Variants in UHRF2 observed in about 807,000 individuals in gnomAD.
UHRF2 encodes the protein ubiquitin like with PHD and ring finger domains 2, also known as E3 ubiquitin-protein ligase UHRF2.
UHRF2 carries 23 observed loss-of-function variants against 96.8 expected under a neutral mutation model. The ratio of observed to expected loss-of-function variants is 0.24; its 90% CI spans 0.17 to 0.34. UHRF2 has a LOEUF of 0.34. Among genes scored for constraint, UHRF2 ranks in the 10% least tolerant of loss-of-function variants. The pLI, the probability that UHRF2 is intolerant of heterozygous loss-of-function variation, is 1.00. For missense variants in UHRF2, 685 were observed against 981.5 expected, an observed-to-expected ratio of 0.70 and a Z score of 4.04; for synonymous variants, 385 against 332.6, an observed-to-expected ratio of 1.16 and a Z score of -1.72.
chr9:6,457,748 G>A (rs534692901), intron 3 of UHRF2, among the ~76,000 whole-genome samples: 10 of 152,120 alleles, frequency 6.6e-5, no homozygotes, highest in South Asian at 4.1e-4. Flanking sequence ...CCTTTTCTGC[G>A]TCTGTTAAGA....
At chr9:6,460,995 A>G (rs1587827556) in intron 4 of UHRF2, among the ~76,000 whole-genome samples, 1 of 152,190 alleles carries the variant, frequency 6.6e-6, no homozygotes, top group Admixed American at 6.5e-5. Context: ...AAGGTTGGAG[A>G]TACTGTTTGG....
At chr9:6,505,283 G>A (rs944950744) in intron 15 of UHRF2, among the ~76,000 whole-genome samples, 5 of 148,504 alleles carry the variant, frequency 3.4e-5, no homozygotes, top group South Asian at 2.1e-4. Context: ...ATATATATGC[G>A]TGTGTGTGTG....
chr9:6,464,541 G>A (rs1015876086), intron 4 of UHRF2, among the ~76,000 whole-genome samples: 6 of 151,818 alleles, frequency 4.0e-5, no homozygotes, highest in Non-Finnish European at 7.4e-5. Flanking sequence ...TTGTGGTTTT[G>A]CCTTTCTTTA....
chr9:6,500,879 G>A (rs951259123), intron 14 of UHRF2, among the ~76,000 whole-genome samples, 170 bp downstream of exon 14: 2 of 152,050 alleles, frequency 1.3e-5, no homozygotes, highest in South Asian at 2.1e-4. Flanking sequence ...ATATACATGC[G>A]CCTAAATTTA....
intron 4 of UHRF2, among the ~76,000 whole-genome samples, chr9:6,462,428 G>T (rs138754604): frequency 1.1e-3 from 173 of 152,260 alleles, no homozygotes; most frequent in African/African-American, 3.8e-3. Flanking sequence ...GCTAGACTAA[G>T]GGTATAGCTC....
intron 4 of UHRF2, among the ~76,000 whole-genome samples, chr9:6,463,152 A>G (rs1269528061): frequency 1.3e-5 from 2 of 151,828 alleles, no homozygotes; most frequent in South Asian, 2.1e-4. Context: ...GCGGTGTTGC[A>G]TGCCTGTAAT....
chr9:6,440,009 TTG>T (rs2130786257), intron 3 of UHRF2, among the ~76,000 whole-genome samples: 1 of 152,314 alleles, frequency 6.6e-6, no homozygotes, highest in East Asian at 1.9e-4. Context: ...TACTGTTCAG[TTG>T]TATATCTTCC....
chr9:6,446,918 TTG>T (rs1484445705), intron 3 of UHRF2, among the ~76,000 whole-genome samples: 15 of 152,008 alleles, frequency 9.9e-5, no homozygotes, highest in Admixed American at 9.8e-4. Context: ...AGACAGAGTC[TTG>T]CTCTGTCACC....
At chr9:6,433,672 A>G (rs1820678651) in intron 2 of UHRF2, among the ~76,000 whole-genome samples, 1 of 152,254 alleles carries the variant, frequency 6.6e-6, no homozygotes. Context: ...AGTAAGGCGT[A>G]AAGAAAACAC....
At chr9:6,436,841 A>G (rs776868654) in intron 3 of UHRF2, among the ~76,000 whole-genome samples, 3 of 152,210 alleles carry the variant, frequency 2.0e-5, no homozygotes, top group African/African-American at 7.2e-5. Context: ...GACTAAAATT[A>G]CCTGCCCTAA....
chr9:6,506,251 T>C lies in UHRF2; in HGVS notation c.*72T>C, dbSNP rs1450045983. The stretch of plus-strand genomic sequence containing the variant: ...AAGAATCTAAAATGGGTGGGGAGGG[T>C]GGAAGAAATGGTGGACTGTATCTCT... On this transcript the variant is annotated 3_prime_UTR_variant, in exon 16 of 16. Transcript: ENST00000276893. 7.3e-5 allele frequency: 115 copies of C among 1,570,424 alleles called. No individual in the cohort carries two copies. The highest frequency in any genetic ancestry group is 3.2e-5 in the Non-Finnish European group (37 of 1,153,428).
At chr9:6,478,679 C>T (rs987845567) in intron 6 of UHRF2, among the ~76,000 whole-genome samples, 3 of 152,072 alleles carry the variant, frequency 2.0e-5, no homozygotes, top group African/African-American at 4.8e-5. Context: ...TTAAGTAAGA[C>T]GGACGACTGA....
At chr9:6,420,199 G>A (rs1819847898) in intron 1 of UHRF2, among the ~76,000 whole-genome samples, 1 of 151,948 alleles carries the variant, frequency 6.6e-6, no homozygotes, top group Middle Eastern at 3.4e-3. Flanking sequence ...GGGATTACAG[G>A]TGCGTACCAC....
intron 11 of UHRF2, 48 bp downstream of exon 11, chr9:6,497,408 C>G: frequency 6.3e-7 from 1 of 1,597,478 alleles, no homozygotes; most frequent in Non-Finnish European, 8.6e-7. Context: ...CCTGGGCTTT[C>G]AAGGCAGGGT....
chr9:6,469,701 C>CACGTAT (rs1823108476), intron 4 of UHRF2, among the ~76,000 whole-genome samples: 7 of 148,572 alleles, frequency 4.7e-5, no homozygotes, highest in African/African-American at 1.5e-4. Flanking sequence ...CACGTATATA[C>CACGTAT]ATACATATAC....
intron 2 of UHRF2, among the ~76,000 whole-genome samples, chr9:6,428,684 G>T (rs1348262091): frequency 6.6e-6 from 1 of 151,340 alleles, no homozygotes; most frequent in African/African-American, 2.4e-5. Flanking sequence ...TGAGTAACCG[G>T]GACTACAGGT....
At chr9:6,469,206 G>A (rs1222432224) in intron 4 of UHRF2, among the ~76,000 whole-genome samples, 1 of 152,146 alleles carries the variant, frequency 6.6e-6, no homozygotes, top group Non-Finnish European at 1.5e-5. Flanking sequence ...AGTTTCCTAA[G>A]ACCTTGTTAA....
At chr9:6,446,421 G>A (rs1020113636) in intron 3 of UHRF2, among the ~76,000 whole-genome samples, 2 of 151,328 alleles carry the variant, frequency 1.3e-5, no homozygotes, top group African/African-American at 4.9e-5. Flanking sequence ...GGGTTTACAG[G>A]CGTGAGCCAC....
In UHRF2 at chr9:6,434,112, A is replaced by G. The variant is rs77045370; in HGVS notation, c.583A>G (p.Thr195Ala). 3.3e-3 allele frequency: 5,293 copies of G among 1,614,160 alleles called. 18 individuals are homozygous for G. The highest frequency in any genetic ancestry group is 3.4e-3 in the Non-Finnish European group (4,053 of 1,180,022). ...AAATAAATTGGACAGTGTACCCTCTACGTCTAATTCAGACTGTGTTGCTGC... is the reference window on the plus strand; with the variant it reads ...AAATAAATTGGACAGTGTACCCTCTGCGTCTAATTCAGACTGTGTTGCTGC... ...NTNKLDSVPS[T>A]SNSDCVAADE... The change falls in exon 3 of 16, where the codon ACG (threonine) becomes GCG (alanine). Residue 195 changes from threonine to alanine, a missense_variant. Thr to Ala is a moderately conservative substitution (Grantham distance 58, BLOSUM62 0). Transcript: ENST00000276893.
Sources: allele counts gnomAD v4.1 joint callset (sites outside exome capture counted in the v4.1 genomes callset), GRCh38; gene constraint gnomAD v4.1.1; transcripts MANE v1.5; gene names NCBI Gene and HGNC (gene_info 2026-07-23, HGNC 2026-07-21).